MYCBP2: variants seen among roughly 807,000 people sequenced by gnomAD.
The protein encoded by MYCBP2 is MYC binding protein 2.
MYCBP2 carries 120 observed loss-of-function variants against 525.3 expected under a neutral mutation model. The ratio of observed to expected loss-of-function variants is 0.23; its 90% CI spans 0.20 to 0.27. The LOEUF (loss-of-function observed/expected upper bound fraction) is 0.27, where lower values mean the gene tolerates loss of function less well. Ranked by LOEUF, MYCBP2 falls within the 10% of genes least tolerant of loss-of-function variation. The probability of loss-of-function intolerance (pLI) is 1.00; values close to 1 mark genes in which losing one functional copy is unlikely to be tolerated. For synonymous variants in MYCBP2, 1,894 were observed against 1,955.8 expected, an observed-to-expected ratio of 0.97 and a Z score of 0.83; for missense variants, 4,149 against 5,657.1, an observed-to-expected ratio of 0.73 and a Z score of 8.55.
At position 77,183,541 on chromosome 13, in the gene MYCBP2, C is replaced by CTTTTTTTTTTTTTTTTTTTTTTT. The variant is rs60927409; in HGVS notation, c.4719+1539_4719+1561dup. ...TTGTTTATAGTGATAGTCCCTATTTCTTTTTTTTTTTTTTTTTTTTTTTTT... is the reference window on the plus strand; with the variant it reads ...TTGTTTATAGTGATAGTCCCTATTTCTTTTTTTTTTTTTTTTTTTTTTTTTTTTTTTTTTTTTTTTTTTTTTTT... On this transcript the variant is annotated intron_variant, in intron 32 of 82. Transcript: ENST00000544440. 3.3e-4 allele frequency among the ~76,000 whole-genome samples: 22 copies of CTTTTTTTTTTTTTTTTTTTTTTT among 66,074 alleles called. 6 individuals are homozygous for CTTTTTTTTTTTTTTTTTTTTTTT. The highest frequency in any genetic ancestry group is 1.6e-3 in the African/African-American group (22 of 14,110). 43.3% of individuals were successfully genotyped at this position (66,074 alleles called of 152,430 possible).
intron 26 of MYCBP2, among the ~76,000 whole-genome samples, chr13:77,197,926 A>C (rs1406531683): frequency 6.6e-6 from 1 of 152,334 alleles, no homozygotes; most frequent in East Asian, 1.9e-4. Context: ...AATAGGGCCA[A>C]TATAAAAACA....
In MYCBP2 at chr13:77,125,344, T is replaced by C; in HGVS notation, c.8009A>G (p.His2670Arg). Residue 2670 changes from histidine (H) to arginine (R), a missense_variant, in exon 54 of 83, where the codon CAT becomes CGT. This residue lies in a region of MYCBP2 where 653 missense variants were observed against 744.7 expected (regional missense o/e 0.88). Coordinates refer to ENST00000544440, the MANE Select transcript of MYCBP2 (RefSeq NM_015057.5). ...AATTTAAGCCAACTTGCCATCTTCATGTCGGAGGTACTGGTTTCCGCCTCT... is the reference window on the plus strand; with the variant it reads ...AATTTAAGCCAACTTGCCATCTTCACGTCGGAGGTACTGGTTTCCGCCTCT... ...RDRGGNQYLRHEDEQALLDQN... is the reference protein window; with the variant it reads ...RDRGGNQYLRREDEQALLDQN... 2 of 1,613,522 alleles carry C rather than the reference T, an allele frequency of 1.2e-6. No homozygotes were observed. Among genetic ancestry groups the C allele is most frequent in the Non-Finnish European group, 8.5e-7 (1 of 1,179,700 alleles).
At position 77,206,817 on chromosome 13, in the gene MYCBP2, G is replaced by T; in HGVS notation, c.3425C>A (p.Pro1142Gln). 1 of 1,585,940 alleles carries T rather than the reference G, an allele frequency of 6.3e-7. No homozygotes were observed. The highest frequency in any genetic ancestry group is 1.2e-5 in the South Asian group (1 of 85,952). ...PVYDVIWRFR[P>Q]NTRELWCYNA... ...GTAACACCACAGCTCTCTAGTATTT[G>T]GTCGAAACCTTTAAAGAAAAAGAAT... is the stretch of plus-strand genomic sequence containing the variant. The change falls in exon 24 of 83, where the codon CCA becomes CAA. Residue 1142 changes from proline to glutamine, a missense_variant. Pro to Gln is a moderately conservative substitution (Grantham distance 76, BLOSUM62 -1). This residue lies in a region of MYCBP2 where 620 missense variants were observed against 795.5 expected (regional missense o/e 0.78). Transcript: ENST00000544440.
chr13:77,287,594 T>C (rs1170991230), intron 3 of MYCBP2, among the ~76,000 whole-genome samples: 1 of 152,094 alleles, frequency 6.6e-6, no homozygotes, highest in African/African-American at 2.4e-5. Context: ...ATAGGTGATT[T>C]TTTTTTTTCC....
At chr13:77,260,378 A>G in intron 13 of MYCBP2, 50 bp downstream of exon 13, 2 of 1,303,064 alleles carry the variant, frequency 1.5e-6, no homozygotes, top group Non-Finnish European at 2.1e-6. Flanking sequence ...GTCATACATA[A>G]CTAGTATTGA....
rs748707778 is a variant in MYCBP2 at position 77,270,332 on chromosome 13, T to C, written c.1152A>G (p.Leu384=). The change falls in exon 6 of 83, where the codon TTA becomes TTG. Residue 384 remains leucine (L), a synonymous_variant. Transcript: ENST00000544440. ...CACTGTATCCAGAGCCTATTTTATA[T>C]AATCCATCCTTGCATAATAGATAAA... ...FFLYLLCKDG[L]YKIGSGYSGT... 1.9e-6 allele frequency: 3 copies of C among 1,613,492 alleles called. No homozygotes were observed. The highest frequency in any genetic ancestry group is 2.5e-6 in the Non-Finnish European group (3 of 1,179,628).
chr13:77,051,154 G>C lies in MYCBP2; in HGVS notation c.13764C>G (p.Pro4588=). 6.2e-7 allele frequency: 1 copy of C among 1,607,282 alleles called. No homozygotes were observed. The highest frequency in any genetic ancestry group is 8.5e-7 in the Non-Finnish European group (1 of 1,178,194). The change falls in exon 82 of 83, where the codon CCC becomes CCG. Residue 4588 remains proline (P), a synonymous_variant. Coordinates refer to ENST00000544440, the MANE Select transcript of MYCBP2 (RefSeq NM_015057.5). ...ATTCCAAAAAGTCTGTGCCATGTTT[G>C]GGACACATCTATAGCAAAAGAGAAG... ...CSDVSRAQMC[P]KHGTDFLEYK...
intron 59 of MYCBP2, among the ~76,000 whole-genome samples, chr13:77,092,012 C>T (rs1403435687): frequency 6.7e-6 from 1 of 149,664 alleles, no homozygotes; most frequent in Non-Finnish European, 1.5e-5. Context: ...ATGTCAAGAG[C>T]AGCTTCAAAG....
intron 56 of MYCBP2, 113 bp from the exon 57 acceptor site, chr13:77,096,594 G>A: frequency 3.7e-6 from 4 of 1,076,380 alleles, no homozygotes; most frequent in Non-Finnish European, 5.2e-6. Flanking sequence ...GCAAAATACT[G>A]AAGTAGATAT....
chr13:77,294,207 A>C (rs2077934632), intron 2 of MYCBP2, among the ~76,000 whole-genome samples: 1 of 146,950 alleles, frequency 6.8e-6, no homozygotes, highest in African/African-American at 2.5e-5. Context: ...ATGGCATTTT[A>C]AAAATAACTT....
chr13:77,206,589 TAA>T, intron 24 of MYCBP2, 62 bp downstream of exon 24: 1 of 1,322,632 alleles, frequency 7.6e-7, no homozygotes, highest in Non-Finnish European at 1.0e-6. Context: ...TTAAATACTC[TAA>T]AAAAAAACCC....
rs1456016292 is a variant in MYCBP2 at position 77,164,683 on chromosome 13, G to A, written c.6460-142C>T. The A allele has an allele frequency of 7.6e-6, 5 of 655,622 alleles. No homozygotes were observed. In the East Asian group the frequency reaches 1.1e-4, roughly 14 times the overall value. 40.6% of individuals were successfully genotyped at this position (655,622 alleles called of 1,614,324 possible). ...GCTAATGGTTAAATTGAGAGTAGAT[G>A]AGATTCAGTACTCAATGTTGTGGCT... On this transcript the variant is annotated intron_variant, in intron 42 of 82. Coordinates refer to ENST00000544440, the MANE Select transcript of MYCBP2 (RefSeq NM_015057.5).
chr13:77,168,180 C>T (rs2058739342), intron 40 of MYCBP2, among the ~76,000 whole-genome samples: 1 of 152,072 alleles, frequency 6.6e-6, no homozygotes, highest in Non-Finnish European at 1.5e-5. Context: ...TTATATACCA[C>T]ACTATACTTG....
At chr13:77,310,990 T>C (rs2080130245) in intron 1 of MYCBP2, among the ~76,000 whole-genome samples, 1 of 152,198 alleles carries the variant, frequency 6.6e-6, no homozygotes, top group South Asian at 2.1e-4. Context: ...TTCAGGACTC[T>C]GAAAAACAAA....
chr13:77,318,984 T>C (rs1254034387), intron 1 of MYCBP2, among the ~76,000 whole-genome samples: 1 of 152,182 alleles, frequency 6.6e-6, no homozygotes, highest in Non-Finnish European at 1.5e-5. Context: ...GTCAAAACCG[T>C]GAACTACCTC....
intron 53 of MYCBP2, 131 bp from the exon 54 acceptor site, chr13:77,125,599 T>C: frequency 3.9e-6 from 4 of 1,016,126 alleles, no homozygotes; most frequent in African/African-American, 3.3e-5. Flanking sequence ...AATTAGTTTC[T>C]GAAATTAAGG....
At chr13:77,323,373 C>T (rs1374992470) in intron 1 of MYCBP2, among the ~76,000 whole-genome samples, 4 of 152,212 alleles carry the variant, frequency 2.6e-5, no homozygotes, top group African/African-American at 9.7e-5. Flanking sequence ...TGACTGATAA[C>T]TCACTCATCA....
chr13:77,327,090 A>G lies in MYCBP2; in HGVS notation c.-315T>C. 2.3e-6 allele frequency: 1 copy of G among 437,042 alleles called. No homozygotes were observed. Among genetic ancestry groups the G allele is most frequent in the South Asian group, 6.9e-5 (1 of 14,494 alleles). 27.1% of individuals were successfully genotyped at this position (437,042 alleles called of 1,614,324 possible). ...CACCGCCGGGGCTACCCGCAATGGG[A>G]AGCTGCCGGCCTCACAGAGCATGCG... is the stretch of plus-strand genomic sequence containing the variant. On this transcript the variant is annotated 5_prime_UTR_variant, in exon 1 of 83. Coordinates refer to ENST00000544440, the MANE Select transcript of MYCBP2 (RefSeq NM_015057.5).
intron 1 of MYCBP2, among the ~76,000 whole-genome samples, chr13:77,300,562 C>T (rs1348677445): frequency 1.3e-5 from 2 of 152,056 alleles, no homozygotes; most frequent in African/African-American, 2.4e-5. Context: ...TTTGTTTGCT[C>T]GCCCCAGATC....
Sources: gnomAD v4.1 joint callset for allele counts (sites outside exome capture counted in the v4.1 genomes callset) on GRCh38, gnomAD v4.1.1 for gene constraint, gnomAD v4.1.1 regional missense constraint, MANE v1.5 for transcripts, NCBI Gene and HGNC (gene_info 2026-07-23, HGNC 2026-07-21) for gene names.